NCOA1: variants seen among roughly 807,000 people sequenced by gnomAD.
NCOA1 encodes the protein nuclear receptor coactivator 1, also known as Hin-2 protein.
In NCOA1, 35 loss-of-function variants were observed where a neutral mutation model predicts 150.9. The observed-to-expected ratio is 0.23, with a 90% CI of 0.18 to 0.31. The LOEUF is 0.31. Among genes scored for constraint, NCOA1 ranks in the 10% least tolerant of loss-of-function variants. NCOA1 has a pLI of 1.00. For synonymous variants in NCOA1, 590 were observed against 630.0 expected (o/e 0.94, Z 0.95); for missense variants, 1,491 against 1,749.3 (o/e 0.85, Z 2.63).
At chr2:24,559,723 G>A (rs1666220315) in intron 1 of NCOA1, among the ~76,000 whole-genome samples, 1 of 152,012 alleles carries the variant, frequency 6.6e-6, no homozygotes, top group African/African-American at 2.4e-5. Flanking sequence ...AGTTTCTTTG[G>A]TATTGGTGCA....
In NCOA1 at chr2:24,559,804, C is replaced by T. The variant is rs547469918; in HGVS notation, c.-395-4491C>T. 1.3e-5 allele frequency among the ~76,000 whole-genome samples: 2 copies of T among 152,304 alleles called. 1 individual carries two copies. The highest frequency in any genetic ancestry group is 4.1e-4 in the South Asian group (2 of 4,828). Reference sequence around the variant, plus strand: ...GGCAGAGGTTCTTTTGCCTCTACCCCTCTCCTAGCAACATTGTATCTTTCC... The same window carrying T: ...GGCAGAGGTTCTTTTGCCTCTACCCTTCTCCTAGCAACATTGTATCTTTCC... On this transcript the variant is annotated intron_variant, in intron 1 of 22. Coordinates refer to ENST00000348332, the MANE Select transcript of NCOA1 (RefSeq NM_003743.5).
intron 1 of NCOA1, among the ~76,000 whole-genome samples, chr2:24,522,767 AT>A (rs1224822669): frequency 6.6e-6 from 1 of 152,250 alleles, no homozygotes; most frequent in East Asian, 1.9e-4. Context: ...ATTATTAGCT[AT>A]AATGTTTTCT....
chr2:24,547,575 C>T (rs375326317), intron 1 of NCOA1, among the ~76,000 whole-genome samples: 1 of 152,076 alleles, frequency 6.6e-6, no homozygotes, highest in Non-Finnish European at 1.5e-5. Context: ...CTCTTTGACT[C>T]AGTAATTCTG....
chr2:24,656,304 TTTTTG>T (rs1315288173), intron 4 of NCOA1, among the ~76,000 whole-genome samples: 2 of 152,128 alleles, frequency 1.3e-5, no homozygotes, highest in East Asian at 3.8e-4. Flanking sequence ...CCATGCTGGT[TTTTTG>T]TTTTGTTTTG....
chr2:24,520,227 C>A (rs1454540498), intron 1 of NCOA1, among the ~76,000 whole-genome samples: 1 of 152,018 alleles, frequency 6.6e-6, no homozygotes, highest in East Asian at 1.9e-4. Context: ...TAACATGTGA[C>A]CCAGCCATTC....
At chr2:24,661,791 A>G (rs984599813) in intron 5 of NCOA1, among the ~76,000 whole-genome samples, 1 of 152,080 alleles carries the variant, frequency 6.6e-6, no homozygotes, top group Non-Finnish European at 1.5e-5. Flanking sequence ...AATTGCCTTG[A>G]TATGTGATGA....
chr2:24,713,632 C>G lies in NCOA1; in HGVS notation c.2599+2521C>G, dbSNP rs183296365. 4.6e-5 allele frequency among the ~76,000 whole-genome samples: 7 copies of G among 152,278 alleles called. 1 individual carries two copies. Among genetic ancestry groups the G allele is most frequent in the Admixed American group, 2.0e-4 (3 of 15,300 alleles). ...TAAATAACGGGAAAAAGAGCAAATA[C>G]ATTAAACAATTCTTGTAAGCCAATA... On this transcript the variant is annotated intron_variant, in intron 14 of 22. Coordinates refer to ENST00000348332, the MANE Select transcript of NCOA1 (RefSeq NM_003743.5).
At chr2:24,750,050 C>CA (rs998704675) in intron 19 of NCOA1, among the ~76,000 whole-genome samples, 3 of 149,540 alleles carry the variant, frequency 2.0e-5, no homozygotes, top group African/African-American at 4.9e-5. Flanking sequence ...CAAAACAAAA[C>CA]AAAAAAAACC....
At chr2:24,636,498 A>G (rs1034469405) in intron 3 of NCOA1, among the ~76,000 whole-genome samples, 1 of 152,188 alleles carries the variant, frequency 6.6e-6, no homozygotes, top group African/African-American at 2.4e-5. Context: ...AATTCACTTA[A>G]TTCTAATAAT....
chr2:24,601,384 T>C (rs1668107225), intron 3 of NCOA1, among the ~76,000 whole-genome samples: 1 of 152,132 alleles, frequency 6.6e-6, no homozygotes, highest in South Asian at 2.1e-4. Context: ...AGCTAAGTTT[T>C]TAAAAAAATT....
intron 8 of NCOA1, among the ~76,000 whole-genome samples, chr2:24,689,806 A>G (rs1368418060): frequency 1.3e-5 from 2 of 152,228 alleles, no homozygotes; most frequent in Non-Finnish European, 2.9e-5. Flanking sequence ...AAATGAATGG[A>G]TATGCTAATT....
At chr2:24,725,745 G>C (rs2148633575) in intron 14 of NCOA1, among the ~76,000 whole-genome samples, 1 of 146,678 alleles carries the variant, frequency 6.8e-6, no homozygotes. Context: ...GTGTGTGTGT[G>C]TGTGTGAGAT....
At chr2:24,537,239 TAC>T (rs36086647) in intron 1 of NCOA1, among the ~76,000 whole-genome samples, 16,609 of 148,572 alleles carry the variant, frequency 0.11, 1,037 homozygotes, top group East Asian at 0.3. Flanking sequence ...CTGTGATACA[TAC>T]ACACACACAC....
At chr2:24,649,801 G>A (rs1166734955) in intron 4 of NCOA1, among the ~76,000 whole-genome samples, 2 of 151,766 alleles carry the variant, frequency 1.3e-5, no homozygotes, top group Admixed American at 6.6e-5. Context: ...TTAATGCAAA[G>A]AAAAAAAGCA....
intron 1 of NCOA1, among the ~76,000 whole-genome samples, chr2:24,558,780 A>T (rs1055916882): frequency 1.3e-5 from 2 of 152,198 alleles, no homozygotes; most frequent in Non-Finnish European, 2.9e-5. Context: ...TTTTATAGTC[A>T]GAGAGTAATG....
intron 2 of NCOA1, among the ~76,000 whole-genome samples, chr2:24,580,041 G>A (rs1238241097): frequency 2.0e-5 from 3 of 152,148 alleles, no homozygotes; most frequent in Non-Finnish European, 2.9e-5. Flanking sequence ...AGGTGTGGAC[G>A]TCAGTAAAAA....
chr2:24,527,043 TC>T (rs1664681894), intron 1 of NCOA1, among the ~76,000 whole-genome samples: 1 of 152,154 alleles, frequency 6.6e-6, no homozygotes. Flanking sequence ...TAATTTGGTA[TC>T]CTGGGGTGGG....
chr2:24,769,488 C>T lies in NCOA1; in HGVS notation c.*1097C>T. The T allele has an allele frequency of 5.1e-6, 1 of 196,860 alleles. No homozygotes were observed. Among genetic ancestry groups the T allele is most frequent in the East Asian group, 8.0e-5 (1 of 12,540 alleles). 12.2% of individuals were successfully genotyped at this position (196,860 alleles called of 1,614,324 possible). On this transcript the variant is annotated 3_prime_UTR_variant, in exon 23 of 23. Transcript: ENST00000348332. ...ATCAAAATGTCACTGCCAGAAAGAG[C>T]TGTTCCAGCTGATCTAGAGCATACT... is the stretch of plus-strand genomic sequence containing the variant.
intron 1 of NCOA1, among the ~76,000 whole-genome samples, chr2:24,510,678 G>A (rs990723936): frequency 6.6e-6 from 1 of 151,194 alleles, no homozygotes; most frequent in East Asian, 1.9e-4. Context: ...GTAAACTTTG[G>A]TAATGCGTTT....
Sources: gnomAD v4.1 joint callset for allele counts (sites outside exome capture counted in the v4.1 genomes callset) on GRCh38, gnomAD v4.1.1 for gene constraint, MANE v1.5 for transcripts, NCBI Gene and HGNC (gene_info 2026-07-23, HGNC 2026-07-21) for gene names.